Variants in DPP6 observed in about 807,000 individuals in gnomAD.
DPP6 encodes the protein dipeptidyl peptidase like 6, also known as A-type potassium channel modulatory protein DPP6.
In DPP6, 69 loss-of-function variants were observed where a neutral mutation model predicts 122.6. The ratio of observed to expected loss-of-function variants is 0.56; its 90% CI spans 0.46 to 0.69. DPP6 has a LOEUF of 0.69. Among genes scored for constraint, DPP6 ranks in the 30% least tolerant of loss-of-function variants. DPP6 has a pLI of 0.00. For synonymous variants in DPP6, 418 were observed against 433.1 expected (o/e 0.97, Z 0.43); for missense variants, 928 against 1,116.9 (o/e 0.83, Z 2.41).
At chr7:154,030,509 G>A (rs976638096) in intron 1 of DPP6, among the ~76,000 whole-genome samples, 4 of 152,132 alleles carry the variant, frequency 2.6e-5, no homozygotes, top group African/African-American at 4.8e-5. Flanking sequence ...GTGAGGCCTC[G>A]TGAGCTCCTG....
intron 7 of DPP6, among the ~76,000 whole-genome samples, chr7:154,687,212 A>G (rs1346362970): frequency 1.3e-5 from 2 of 152,126 alleles, no homozygotes; most frequent in East Asian, 3.9e-4. Flanking sequence ...AGTCTCCTAT[A>G]TTATCTTGTA....
intron 1 of DPP6, among the ~76,000 whole-genome samples, chr7:154,061,274 T>C (rs1287122488): frequency 6.7e-6 from 1 of 149,124 alleles, no homozygotes; most frequent in Non-Finnish European, 1.5e-5. Flanking sequence ...AACAGCAAGT[T>C]TTTCATGAGT....
At chr7:153,914,430 T>G (rs1800220012) in intron 1 of DPP6, among the ~76,000 whole-genome samples, 1 of 152,228 alleles carries the variant, frequency 6.6e-6, no homozygotes, top group African/African-American at 2.4e-5. Flanking sequence ...TCCCTGGAGC[T>G]GTATGTTTAT....
At chr7:154,364,538 G>A (rs1811993428) in intron 1 of DPP6, among the ~76,000 whole-genome samples, 1 of 152,180 alleles carries the variant, frequency 6.6e-6, no homozygotes, top group African/African-American at 2.4e-5. Flanking sequence ...GGAGGTGAGG[G>A]CAGGGGCGGT....
At chr7:154,077,605 G>T (rs1803651443) in intron 1 of DPP6, among the ~76,000 whole-genome samples, 1 of 151,766 alleles carries the variant, frequency 6.6e-6, no homozygotes, top group Non-Finnish European at 1.5e-5. Context: ...TTTCAAAAAT[G>T]CTTCCTAGGA....
upstream of DPP6, among the ~76,000 whole-genome samples, chr7:153,883,508 T>A (rs928463983): frequency 6.6e-6 from 1 of 152,132 alleles, no homozygotes; most frequent in African/African-American, 2.4e-5. Context: ...GCCTCCTGAG[T>A]AGCTTGGATT....
At chr7:154,256,841 T>C (rs1439174997) in intron 1 of DPP6, among the ~76,000 whole-genome samples, 1 of 152,202 alleles carries the variant, frequency 6.6e-6, no homozygotes, top group Non-Finnish European at 1.5e-5. Context: ...GAGATTCTGG[T>C]AAGATGTTAG....
At chr7:154,363,919 T>C (rs1269638355) in intron 1 of DPP6, among the ~76,000 whole-genome samples, 4 of 152,168 alleles carry the variant, frequency 2.6e-5, no homozygotes, top group Admixed American at 6.5e-5. Flanking sequence ...ATTAATTGGG[T>C]AATTATTTAG....
At chr7:154,286,829 A>G (rs1328263840) in intron 1 of DPP6, among the ~76,000 whole-genome samples, 19 of 147,640 alleles carry the variant, frequency 1.3e-4, no homozygotes, top group Non-Finnish European at 2.7e-4. Context: ...TTCTTTTGAG[A>G]CAGTCTCACT....
At chr7:154,238,685 A>G (rs1801377131) in intron 1 of DPP6, among the ~76,000 whole-genome samples, 1 of 152,210 alleles carries the variant, frequency 6.6e-6, no homozygotes, top group Non-Finnish European at 1.5e-5. Flanking sequence ...ATTTGCACCT[A>G]CATGGGAATG....
chr7:154,398,603 T>G (rs368631536), intron 1 of DPP6, among the ~76,000 whole-genome samples: 74 of 150,344 alleles, frequency 4.9e-4, no homozygotes, highest in African/African-American at 1.7e-3. Context: ...TAGAGGGACA[T>G]CCTTCATATT....
chr7:153,974,365 A>T (rs39153), intron 1 of DPP6, among the ~76,000 whole-genome samples: 12,821 of 152,180 alleles, frequency 0.084, 720 homozygotes, highest in East Asian at 0.25. Context: ...TCGTATTTTC[A>T]GAGATTTAGT....
intron 1 of DPP6, among the ~76,000 whole-genome samples, chr7:154,367,163 C>T (rs1347790973): frequency 2.0e-5 from 3 of 152,028 alleles, no homozygotes; most frequent in Admixed American, 2.0e-4. Context: ...TAGCAGCTTC[C>T]CAGGGTCATG....
At chr7:153,863,258 A>C in the DPP6 span, among the ~76,000 whole-genome samples, 3 of 152,194 alleles carry the variant, frequency 2.0e-5, no homozygotes, top group African/African-American at 7.2e-5. Context: ...TGCAAAGGAC[A>C]TGAACTCATC....
At chr7:153,810,671 C>CCTCTCTCT in the DPP6 span, among the ~76,000 whole-genome samples, 2,743 of 124,480 alleles carry the variant, frequency 0.022, 68 homozygotes, top group African/African-American at 0.043. Flanking sequence ...CTCTCTCTCT[C>CCTCTCTCT]CTCTCTCTCT....
At chr7:154,036,025 T>TGTGTG in intron 1 of DPP6, among the ~76,000 whole-genome samples, 1 of 100,710 alleles carries the variant, frequency 9.9e-6, no homozygotes, top group East Asian at 2.2e-4. Flanking sequence ...CGCGCTTGTG[T>TGTGTG]GTGTGTGTGT....
At position 154,463,230 on chromosome 7, in the gene DPP6, C is replaced by T. The variant is rs375891051; in HGVS notation, c.359-11709C>T. ...TTTTTTTTTTTTTTTTTTTTTGAGA[C>T]GGAGTCTCGCTCTGTCGCCCAGGCT... On this transcript the variant is annotated intron_variant, in intron 2 of 25. Coordinates refer to ENST00000377770, the MANE Select transcript of DPP6 (RefSeq NM_130797.4). Among the ~76,000 whole-genome samples, 167 of 89,570 alleles carry T rather than the reference C, an allele frequency of 1.9e-3. 1 individual carries two copies. Among genetic ancestry groups the T allele is most frequent in the African/African-American group, 5.8e-3 (136 of 23,386 alleles). 58.8% of individuals were successfully genotyped at this position (89,570 alleles called of 152,430 possible). A position where few individuals can be genotyped will look rare whatever the true frequency, so the allele number is the denominator to read the frequency against.
the DPP6 span, among the ~76,000 whole-genome samples, chr7:153,880,832 T>C: frequency 3.3e-5 from 5 of 152,240 alleles, no homozygotes; most frequent in Non-Finnish European, 4.4e-5. Context: ...ATCTCATTCC[T>C]GGGAGGTTCC....
chr7:154,364,328 C>T (rs1811976782), intron 1 of DPP6, among the ~76,000 whole-genome samples: 1 of 152,180 alleles, frequency 6.6e-6, no homozygotes, highest in African/African-American at 2.4e-5. Context: ...GTGCACCCAC[C>T]ACAGGCAGAG....
Sources: allele counts gnomAD v4.1 joint callset (sites outside exome capture counted in the v4.1 genomes callset), GRCh38; gene constraint gnomAD v4.1.1; transcripts MANE v1.5; gene names NCBI Gene and HGNC (gene_info 2026-07-23, HGNC 2026-07-21).